SORL1: variants seen among roughly 807,000 people sequenced by gnomAD.
The protein encoded by SORL1 is sortilin related receptor 1.
A neutral mutation model predicts 273.7 loss-of-function variants in SORL1; 127 were observed. The ratio of observed to expected loss-of-function variants is 0.46; its 90% CI spans 0.40 to 0.54. The LOEUF is 0.54. Among genes scored for constraint, SORL1 ranks in the 20% least tolerant of loss-of-function variants. The pLI, the probability that SORL1 is intolerant of heterozygous loss-of-function variation, is 0.00. For missense variants in SORL1, 2,494 were observed against 2,846.1 expected, an observed-to-expected ratio of 0.88 and a Z score of 2.81; for synonymous variants, 1,031 against 1,067.4, an observed-to-expected ratio of 0.97 and a Z score of 0.66.
intron 31 of SORL1, 88 bp downstream of exon 31, chr11:121,591,244 G>T (rs1863210610): frequency 4.2e-6 from 6 of 1,413,482 alleles, no homozygotes; most frequent in Non-Finnish European, 4.0e-6. Flanking sequence ...ATCCAACCGG[G>T]CCCCATGCCC....
chr11:121,619,365 A>G (rs1040466958), intron 42 of SORL1, among the ~76,000 whole-genome samples: 5 of 152,254 alleles, frequency 3.3e-5, no homozygotes, highest in Non-Finnish European at 7.3e-5. Flanking sequence ...TGACAACTCT[A>G]AATGTACTGA....
At position 121,588,151 on chromosome 11, in the gene SORL1, T is replaced by G; in HGVS notation, c.3946T>G (p.Ser1316Ala). 6.2e-7 allele frequency: 1 copy of G among 1,612,918 alleles called. No homozygotes were observed. Residue 1316 changes from serine to alanine, a missense_variant and splice_region_variant, in exon 28 of 48, where the codon TCC (serine) becomes GCC (alanine). By Grantham distance (99) the Ser-to-Ala change is moderately conservative (BLOSUM62 1). This residue lies in a region of SORL1 where 1,609 missense variants were observed against 1,816.4 expected (regional missense o/e 0.89). Coordinates refer to ENST00000260197, the MANE Select transcript of SORL1 (RefSeq NM_003105.6). ...SDEDAAFAGCSQDPEFHKVCD... is the reference protein window; with the variant it reads ...SDEDAAFAGCAQDPEFHKVCD... Reference sequence around the variant, plus strand: ...TGAGGATGCGGCGTTTGCAGGATGCTGTGAGTTGGGGCAGGCAGGGGAGGT... The same window carrying G: ...TGAGGATGCGGCGTTTGCAGGATGCGGTGAGTTGGGGCAGGCAGGGGAGGT...
intron 41 of SORL1, among the ~76,000 whole-genome samples, chr11:121,617,097 C>T (rs1183559819): frequency 6.6e-6 from 1 of 152,152 alleles, no homozygotes; most frequent in Non-Finnish European, 1.5e-5. Context: ...TTGTGGAGAC[C>T]AAGGTTCTTT....
intron 11 of SORL1, among the ~76,000 whole-genome samples, chr11:121,523,508 C>T (rs868413335): frequency 2.0e-5 from 3 of 152,028 alleles, no homozygotes; most frequent in African/African-American, 7.2e-5. Flanking sequence ...GGTTGTATAA[C>T]TAATATCGAT....
intron 1 of SORL1, among the ~76,000 whole-genome samples, chr11:121,458,696 C>T (rs1218593298): frequency 6.6e-6 from 1 of 152,194 alleles, no homozygotes; most frequent in African/African-American, 2.4e-5. Context: ...GCTTATCGAC[C>T]TGTGAACCCT....
Position 121,483,692 on chromosome 11 carries a change from C to T in SORL1, c.529-4340C>T, listed in dbSNP as rs950092797. 6.6e-5 allele frequency among the ~76,000 whole-genome samples: 10 copies of T among 152,260 alleles called. No individual in the cohort carries two copies. In the East Asian group the frequency reaches 9.7e-4, roughly 15 times the overall value. ...CTTGGTCAGTCTGTAGGTTTGGCCT[C>T]CAGTAAACTTGACAGCCAGGCAGCA... On this transcript the variant is annotated intron_variant, in intron 3 of 47. Transcript: ENST00000260197.
chr11:121,589,539 GA>G (rs1261159181), intron 29 of SORL1, 149 bp downstream of exon 29: 5 of 983,412 alleles, frequency 5.1e-6, no homozygotes, highest in Non-Finnish European at 6.2e-6. Flanking sequence ...ATACTCATAC[GA>G]GTTGAGTCTT....
Position 121,570,175 on chromosome 11 carries a change from A to G in SORL1, c.3242A>G (p.Asn1081Ser), listed in dbSNP as rs1201691663. ...TGGGTAGAGAACACCTGTCTTCGCA[A>G]CCAGTATCGCTGCAGCAACGGGAAC... ...CVKQENTCLR[N>S]QYRCSNGNCI... Residue 1081 changes from asparagine to serine, a missense_variant, in exon 23 of 48, where the codon AAC becomes AGC. Coordinates refer to ENST00000260197, the MANE Select transcript of SORL1 (RefSeq NM_003105.6). The G allele has an allele frequency of 6.8e-6, 11 of 1,613,730 alleles. No individual in the cohort carries two copies. The highest frequency in any genetic ancestry group is 9.3e-6 in the Non-Finnish European group (11 of 1,179,756).
At chr11:121,466,728 C>G (rs1848407388) in intron 1 of SORL1, among the ~76,000 whole-genome samples, 1 of 152,082 alleles carries the variant, frequency 6.6e-6, no homozygotes, top group African/African-American at 2.4e-5. Flanking sequence ...GGATGGGCAC[C>G]CGGGCTGCCT....
intron 23 of SORL1, among the ~76,000 whole-genome samples, chr11:121,573,009 A>G (rs1488141548): frequency 3.3e-5 from 5 of 151,654 alleles, no homozygotes; most frequent in South Asian, 4.2e-4. Context: ...TCAGCCTTTC[A>G]CTCTCCTGAG....
intron 21 of SORL1, among the ~76,000 whole-genome samples, chr11:121,564,226 A>G (rs1467171396): frequency 1.3e-5 from 2 of 152,152 alleles, no homozygotes; most frequent in Non-Finnish European, 2.9e-5. Context: ...TTACCCTTCC[A>G]TCTTCTTCCA....
intron 13 of SORL1, among the ~76,000 whole-genome samples, chr11:121,544,164 A>G (rs569869141): frequency 1.3e-5 from 2 of 152,216 alleles, no homozygotes; most frequent in South Asian, 4.1e-4. Context: ...ATGCATAAGT[A>G]TGCAGGGAGA....
chr11:121,628,866 A>C (rs908031624), intron 47 of SORL1: 1 of 152,342 alleles, frequency 6.6e-6, no homozygotes, highest in Admixed American at 6.5e-5. Context: ...TTTCCTTGTC[A>C]GTTTCCTTTC....
At chr11:121,599,789 C>T (rs1435872244) in intron 32 of SORL1, among the ~76,000 whole-genome samples, 9 of 150,244 alleles carry the variant, frequency 6.0e-5, no homozygotes, top group South Asian at 2.1e-4. Flanking sequence ...TGAAGTTCTT[C>T]GGTGTTTAGC....
chr11:121,526,638 T>C (rs1175595808), intron 11 of SORL1, among the ~76,000 whole-genome samples: 1 of 152,184 alleles, frequency 6.6e-6, no homozygotes, highest in Admixed American at 6.5e-5. Context: ...CAGTACTTTG[T>C]AGTTTCCAAT....
chr11:121,576,978 A>C (rs1470513329), intron 24 of SORL1: 5 of 1,488,224 alleles, frequency 3.4e-6, no homozygotes, highest in Admixed American at 3.9e-5. Flanking sequence ...CATAGCAAGC[A>C]TAGAAAATAA....
chr11:121,576,895 G>T (rs781201650), intron 24 of SORL1: 1 of 1,535,558 alleles, frequency 6.5e-7, no homozygotes, highest in Non-Finnish European at 8.7e-7. Context: ...GGCTGTGTCT[G>T]TAGGAGTCCT....
At chr11:121,552,338 A>G (rs1190234764) in intron 16 of SORL1, among the ~76,000 whole-genome samples, 1 of 152,258 alleles carries the variant, frequency 6.6e-6, no homozygotes, top group East Asian at 1.9e-4. Flanking sequence ...CAAGAATTCC[A>G]TTCCTTTTCC....
rs1258404900 is a variant in SORL1 at position 121,554,661 on chromosome 11, A to G, written c.2440-526A>G. On this transcript the variant is annotated intron_variant, in intron 17 of 47. Coordinates refer to ENST00000260197, the MANE Select transcript of SORL1 (RefSeq NM_003105.6). This position sits in a 1 kb window ranked among gnomAD's most constrained non-coding sequence, Gnocchi z 4.6. ...CCTTTTAGAAAAGCAATTCCAACAA[A>G]TTTTTATCTAGATTCCAACCCAACA... 1.3e-5 allele frequency among the ~76,000 whole-genome samples: 2 copies of G among 152,134 alleles called. No individual in the cohort carries two copies. The highest frequency in any genetic ancestry group is 2.9e-5 in the Non-Finnish European group (2 of 68,022).
Sources: allele counts gnomAD v4.1 joint callset (sites outside exome capture counted in the v4.1 genomes callset), GRCh38; gene constraint gnomAD v4.1.1; regional missense constraint gnomAD v4.1.1; non-coding constraint Gnocchi (gnomAD v3.1); transcripts MANE v1.5; gene names NCBI Gene and HGNC (gene_info 2026-07-23, HGNC 2026-07-21).